The following CHODL variants were observed in gnomAD, a reference collection of about 807,000 sequenced individuals.
The protein encoded by CHODL is chondrolectin.
In CHODL, 29 loss-of-function variants were observed where a neutral mutation model predicts 34.5. The ratio of observed to expected loss-of-function variants is 0.84; its 90% CI spans 0.63 to 1.15. The LOEUF (loss-of-function observed/expected upper bound fraction) is 1.15. Among genes scored for constraint, CHODL ranks in the 50% most tolerant of loss-of-function variants. The probability of loss-of-function intolerance (pLI) is 0.00; values close to 1 mark genes in which losing one functional copy is unlikely to be tolerated. For synonymous variants in CHODL, 125 were observed against 116.1 expected (o/e 1.08, Z -0.49); for missense variants, 332 against 332.5 (o/e 1.00, Z 0.01).
chr21:18,198,879 C>T (rs941795800), intron 2 of CHODL, among the ~76,000 whole-genome samples: 7 of 151,772 alleles, frequency 4.6e-5, no homozygotes, highest in South Asian at 2.1e-4. Context: ...ATTAGAATTT[C>T]GATATTGTCA....
At chr21:18,237,447 A>G (rs73893040) in intron 2 of CHODL, among the ~76,000 whole-genome samples, 1,612 of 152,216 alleles carry the variant, frequency 0.011, 39 homozygotes, top group African/African-American at 0.037. Flanking sequence ...CAAGCCTGAC[A>G]TCCTTGAGTG....
intron 2 of CHODL, among the ~76,000 whole-genome samples, chr21:18,120,327 C>T (rs1325939320): frequency 1.3e-5 from 2 of 152,056 alleles, no homozygotes; most frequent in African/African-American, 2.4e-5. Flanking sequence ...AAGCAGACCT[C>T]GAGTTGAACT....
At chr21:18,105,818 C>T (rs951238421) in intron 2 of CHODL, among the ~76,000 whole-genome samples, 1 of 152,158 alleles carries the variant, frequency 6.6e-6, no homozygotes, top group Non-Finnish European at 1.5e-5. Context: ...AAGTTATGTT[C>T]CCTGAGAGGG....
At chr21:18,070,471 A>T (rs1201049577) in intron 2 of CHODL, among the ~76,000 whole-genome samples, 1 of 152,100 alleles carries the variant, frequency 6.6e-6, no homozygotes, top group African/African-American at 2.4e-5. Context: ...GTAAAATTGG[A>T]GATGAGATAA....
intron 2 of CHODL, among the ~76,000 whole-genome samples, chr21:18,130,350 A>C (rs2072639886): frequency 6.6e-6 from 1 of 152,218 alleles, no homozygotes; most frequent in African/African-American, 2.4e-5. Context: ...ATTGTCATCC[A>C]CATAGGTGGC....
intron 2 of CHODL, among the ~76,000 whole-genome samples, chr21:18,165,576 A>G (rs1314280678): frequency 6.6e-6 from 1 of 152,072 alleles, no homozygotes; most frequent in Non-Finnish European, 1.5e-5. Context: ...ACTCTGGACA[A>G]TGGGCTGCTT....
At chr21:18,222,117 T>A (rs534919489) in intron 2 of CHODL, among the ~76,000 whole-genome samples, 1 of 152,118 alleles carries the variant, frequency 6.6e-6, no homozygotes, top group African/African-American at 2.4e-5. Context: ...GGGAGGTAGG[T>A]TTGCTTTTGG....
intron 2 of CHODL, among the ~76,000 whole-genome samples, chr21:18,196,334 G>A (rs2150383): frequency 0.42 from 64,605 of 152,028 alleles, 14,583 homozygotes; most frequent in East Asian, 0.69. Flanking sequence ...TTAAGATAAA[G>A]TGAAGAGATA....
intron 1 of CHODL, among the ~76,000 whole-genome samples, chr21:17,965,587 C>T (rs560513632): frequency 1.3e-5 from 2 of 152,226 alleles, no homozygotes; most frequent in South Asian, 2.1e-4. Context: ...TCTGTAAGCA[C>T]GTGTTTATAC....
chr21:18,239,040 A>G (rs2074056570), intron 2 of CHODL, among the ~76,000 whole-genome samples: 1 of 152,078 alleles, frequency 6.6e-6, no homozygotes, highest in African/African-American at 2.4e-5. Flanking sequence ...TATAGCACAA[A>G]TTTCTTACTG....
intron 2 of CHODL, among the ~76,000 whole-genome samples, chr21:18,159,051 C>T (rs2073066383): frequency 6.6e-6 from 1 of 152,078 alleles, no homozygotes; most frequent in Non-Finnish European, 1.5e-5. Flanking sequence ...ACAGTTAATA[C>T]ATTTTAGTTT....
rs1237074983 is a variant in CHODL, at chr21:17,992,715, G to GTTTTTTTTTTTTTTTTTT, written c.-144-35155_-144-35154insTTTTTTTTTTTTTTTTTT. 1.3e-4 allele frequency among the ~76,000 whole-genome samples: 4 copies of GTTTTTTTTTTTTTTTTTT among 31,510 alleles called. 2 individuals are homozygous for GTTTTTTTTTTTTTTTTTT. Among genetic ancestry groups the GTTTTTTTTTTTTTTTTTT allele is most frequent in the African/African-American group, 1.6e-4 (2 of 12,518 alleles). 20.7% of individuals were successfully genotyped at this position (31,510 alleles called of 152,430 possible). A position where few individuals can be genotyped will look rare whatever the true frequency, so the allele number is the denominator to read the frequency against. On this transcript the variant is annotated intron_variant, in intron 1 of 6. Transcript: ENST00000400127. ...ATCAGTTCTCAGAGTTTCTGGTGGAGTTGTTTTTTTTTTTTTTTTTTTTTT... is the reference window on the plus strand; with the variant it reads ...ATCAGTTCTCAGAGTTTCTGGTGGAGTTTTTTTTTTTTTTTTTTTTGTTTTTTTTTTTTTTTTTTTTTT...
Position 18,251,423 on chromosome 21 carries a change from A to AATATATAAAATACACATTTAT in CHODL, c.80-5086_80-5085insATATATAAAATACACATTTAT, listed in dbSNP as rs1555886229. On this transcript the variant is annotated intron_variant, in intron 1 of 5. Transcript: ENST00000299295. The stretch of plus-strand genomic sequence containing the variant: ...ATAAAATATGTATTTTATTTATTTT[A>AATATATAAAATACACATTTAT]TTTATTTATTTTAATATATAAAAAT... Among the ~76,000 whole-genome samples the AATATATAAAATACACATTTAT allele has an allele frequency of 3.1e-5, 4 of 130,068 alleles. 1 individual carries two copies. Among genetic ancestry groups the AATATATAAAATACACATTTAT allele is most frequent in the African/African-American group, 1.3e-4 (4 of 31,878 alleles). The allele number at this position is 130,068 out of a possible 152,430, so 85.3% of individuals were successfully genotyped here.
intron 2 of CHODL, among the ~76,000 whole-genome samples, chr21:18,043,147 C>T (rs774292746): frequency 3.9e-5 from 6 of 151,940 alleles, no homozygotes; most frequent in African/African-American, 1.4e-4. Context: ...CTAAATGAGT[C>T]TATCTCTACT....
At chr21:18,202,096 C>T (rs1226774897) in intron 2 of CHODL, among the ~76,000 whole-genome samples, 1 of 152,236 alleles carries the variant, frequency 6.6e-6, no homozygotes, top group South Asian at 2.1e-4. Context: ...TCAGCCACGG[C>T]GCCCGGCCTA....
At chr21:17,996,797 C>CT (rs2063854216) in intron 1 of CHODL, among the ~76,000 whole-genome samples, 1 of 152,112 alleles carries the variant, frequency 6.6e-6, no homozygotes, top group Non-Finnish European at 1.5e-5. Flanking sequence ...GGCTGGTTGA[C>CT]TATTTTTGCA....
At chr21:18,154,689 G>A (rs1418975432) in intron 2 of CHODL, among the ~76,000 whole-genome samples, 1 of 152,122 alleles carries the variant, frequency 6.6e-6, no homozygotes, top group East Asian at 1.9e-4. Context: ...ATAACTAAAG[G>A]AAGGAAATCT....
intron 1 of CHODL, among the ~76,000 whole-genome samples, chr21:17,974,882 T>C (rs2063648149): frequency 6.7e-6 from 1 of 149,748 alleles, no homozygotes; most frequent in Admixed American, 6.7e-5. Flanking sequence ...AACAATTTTA[T>C]AAAAAGACAT....
At chr21:18,116,260 T>G (rs2065411717) in intron 2 of CHODL, among the ~76,000 whole-genome samples, 1 of 152,148 alleles carries the variant, frequency 6.6e-6, no homozygotes, top group Non-Finnish European at 1.5e-5. Flanking sequence ...TGTTGGAAAT[T>G]CCAAATTTAA....
Sources: allele counts gnomAD v4.1 joint callset (sites outside exome capture counted in the v4.1 genomes callset), GRCh38; gene constraint gnomAD v4.1.1; transcripts MANE v1.5; gene names NCBI Gene and HGNC (gene_info 2026-07-23, HGNC 2026-07-21).